The following ABCA13 variants were observed in gnomAD, a reference collection of about 807,000 sequenced individuals.
ABCA13 encodes ATP binding cassette subfamily A member 13, also known as ATP-binding cassette sub-family A member 13.
In ABCA13, 476 loss-of-function variants were observed where a neutral mutation model predicts 478.7. The observed-to-expected ratio is 0.99, with a 90% CI of 0.92 to 1.07. ABCA13 has a LOEUF of 1.07. Ranked by LOEUF, ABCA13 falls within the 50% of genes least tolerant of loss-of-function variation. The probability of loss-of-function intolerance (pLI) is 0.00; values close to 1 mark genes in which losing one functional copy is unlikely to be tolerated. For synonymous variants in ABCA13, 2,252 were observed against 2,158.9 expected (o/e 1.04, Z -1.20); for missense variants, 6,060 against 5,910.6 (o/e 1.03, Z -0.83).
intron 56 of ABCA13, among the ~76,000 whole-genome samples, chr7:48,581,082 C>T (rs1788661100): frequency 6.6e-6 from 1 of 152,166 alleles, no homozygotes; most frequent in South Asian, 2.1e-4. Context: ...TACTTAAGCA[C>T]ATTTTTACCT....
chr7:48,416,117 G>A (rs1031207397), intron 41 of ABCA13, among the ~76,000 whole-genome samples: 7 of 152,128 alleles, frequency 4.6e-5, no homozygotes, highest in African/African-American at 1.4e-4. Context: ...TGTGTTGCTC[G>A]TATTATCTTC....
At position 48,239,201 on chromosome 7, in the gene ABCA13, A is replaced by G. The variant is rs746668343; in HGVS notation, c.898-40A>G. ...TTTTAGAAGAGGAAGGTTCTAGGAA[A>G]GGAGCTTTATGTCTAAATATTTTTT... On this transcript the variant is annotated intron_variant, in intron 8 of 61. Coordinates refer to ENST00000435803, the MANE Select transcript of ABCA13 (RefSeq NM_152701.5). 90 of 1,605,716 alleles carry G rather than the reference A, an allele frequency of 5.6e-5. No individual in the cohort carries two copies. The South Asian group carries it at 9.3e-4, about 17-fold the overall frequency.
At chr7:48,262,912 G>A (rs1472197487) in intron 15 of ABCA13, among the ~76,000 whole-genome samples, 1 of 151,950 alleles carries the variant, frequency 6.6e-6, no homozygotes, top group Non-Finnish European at 1.5e-5. Context: ...GTTGAACTTT[G>A]AAATATTATA....
intron 42 of ABCA13, among the ~76,000 whole-genome samples, chr7:48,434,848 T>C (rs1391721509): frequency 6.6e-6 from 1 of 151,938 alleles, no homozygotes; most frequent in Non-Finnish European, 1.5e-5. Flanking sequence ...TTCTCTATTT[T>C]ATTCCATTGG....
intron 1 of ABCA13, among the ~76,000 whole-genome samples, chr7:48,181,032 A>G (rs1167667909): frequency 6.6e-6 from 1 of 152,228 alleles, no homozygotes; most frequent in Middle Eastern, 3.2e-3. Flanking sequence ...GGGAACTCAA[A>G]TTACTAACTC....
Position 48,198,367 on chromosome 7 carries a change from G to T in ABCA13, c.287+7G>T. The T allele has an allele frequency of 6.2e-7, 1 of 1,612,936 alleles. No homozygotes were observed. The highest frequency in any genetic ancestry group is 1.1e-5 in the South Asian group (1 of 90,678). ...CAATGGAGCATCATTTTCGGTAAGA[G>T]AAACACAAAGATCTTTTTCAGAAAT... On this transcript the variant is annotated splice_region_variant and intron_variant, in intron 3 of 61. Coordinates refer to ENST00000435803, the MANE Select transcript of ABCA13 (RefSeq NM_152701.5).
chr7:48,481,055 C>CT lies in ABCA13; in HGVS notation c.12996dup (p.Ser4333Ter). On this transcript the variant is annotated frameshift_variant, in exon 46 of 62. Transcript: ENST00000435803. LOFTEE classifies it high-confidence loss of function. ...TTTCAGAAGTGTCCAAATAGAAGTG[C>CT]TAGTGCTCCCTACCTGACCAACCAC... 6.3e-7 allele frequency: 1 copy of CT among 1,597,456 alleles called. No homozygotes were observed. The highest frequency in any genetic ancestry group is 8.5e-7 in the Non-Finnish European group (1 of 1,171,416).
rs776250253 is a variant in ABCA13, at chr7:48,511,156, C to T, written c.13597C>T (p.Arg4533Cys). The T allele has an allele frequency of 1.0e-4, 167 of 1,613,302 alleles. No individual in the cohort carries two copies. The highest frequency in any genetic ancestry group is 2.7e-4 in the Admixed American group (16 of 59,962). The change falls in exon 51 of 62, where the codon CGC becomes TGC. Residue 4533 changes from arginine (R) to cysteine (C), a missense_variant. Arg to Cys is a radical substitution (Grantham distance 180). This residue lies in a region of ABCA13 where 1,627 missense variants were observed against 1,571.0 expected (regional missense o/e 1.04). Transcript: ENST00000435803. ...VAFQLTAFTF[R>C]KNLAATALLL... is the part of the protein sequence containing the mutation. ...CTTCCAGTTAACAGCTTTTACTTTC[C>T]GCAAGAACTTGGCAGCCACGGCCCT...
chr7:48,301,476 G>A (rs1584730717), intron 23 of ABCA13, among the ~76,000 whole-genome samples: 1 of 151,838 alleles, frequency 6.6e-6, no homozygotes, highest in Non-Finnish European at 1.5e-5. Flanking sequence ...GATAGTTCTT[G>A]GTGAAACTCA....
chr7:48,462,397 G>A (rs529968964), intron 43 of ABCA13, among the ~76,000 whole-genome samples: 1 of 151,870 alleles, frequency 6.6e-6, no homozygotes, highest in Non-Finnish European at 1.5e-5. Flanking sequence ...AACTTTTTCT[G>A]TCTGGAATTG....
chr7:48,340,846 C>T (rs1807047925), intron 29 of ABCA13, among the ~76,000 whole-genome samples: 1 of 152,060 alleles, frequency 6.6e-6, no homozygotes, highest in African/African-American at 2.4e-5. Flanking sequence ...AGAAAAAGTC[C>T]CTTCATCTAG....
chr7:48,605,020 G>A (rs941484812), intron 58 of ABCA13, among the ~76,000 whole-genome samples: 1 of 152,116 alleles, frequency 6.6e-6, no homozygotes, highest in Non-Finnish European at 1.5e-5. Context: ...TTGGTTTAAA[G>A]TCTGTTTTAT....
chr7:48,326,619 G>A (rs889781062), intron 27 of ABCA13, among the ~76,000 whole-genome samples: 1 of 152,156 alleles, frequency 6.6e-6, no homozygotes, highest in Non-Finnish European at 1.5e-5. Flanking sequence ...TGAGTCTTAG[G>A]GGTAAGTAAC....
chr7:48,516,319 G>A (rs1315575912), intron 51 of ABCA13, among the ~76,000 whole-genome samples: 1 of 152,102 alleles, frequency 6.6e-6, no homozygotes, highest in African/African-American at 2.4e-5. Context: ...GTACTGTCTT[G>A]CTCTATCCCA....
At chr7:48,632,629 A>G (rs566192319) in intron 59 of ABCA13, among the ~76,000 whole-genome samples, 1 of 152,082 alleles carries the variant, frequency 6.6e-6, no homozygotes, top group East Asian at 1.9e-4. Context: ...AACTTCATTT[A>G]TTTGCATGTG....
chr7:48,560,240 T>C (rs549686447), intron 55 of ABCA13, among the ~76,000 whole-genome samples: 1 of 152,278 alleles, frequency 6.6e-6, no homozygotes, highest in African/African-American at 2.4e-5. Flanking sequence ...GTCCAAATGC[T>C]ACCTCCATGT....
At position 48,464,513 on chromosome 7, in the gene ABCA13, G is replaced by A. The variant is rs182553653; in HGVS notation, c.12816-2443G>A. 2.0e-5 allele frequency among the ~76,000 whole-genome samples: 3 copies of A among 152,334 alleles called. No individual in the cohort carries two copies. In the East Asian group the frequency reaches 5.8e-4, roughly 29 times the overall value. On this transcript the variant is annotated intron_variant, in intron 43 of 61. Coordinates refer to ENST00000435803, the MANE Select transcript of ABCA13 (RefSeq NM_152701.5). ...TAAACATTTATTTCTGGATTTGGAT[G>A]CCACAGAGGTGTTTGCATTTTAAGT... is the stretch of plus-strand genomic sequence containing the variant.
chr7:48,526,470 G>C (rs903732473), intron 54 of ABCA13, among the ~76,000 whole-genome samples: 29 of 152,180 alleles, frequency 1.9e-4, no homozygotes, highest in African/African-American at 6.8e-4. Context: ...CTATGCAAAA[G>C]TCTGTGGAAA....
At chr7:48,302,809 T>A (rs2117088) in intron 23 of ABCA13, among the ~76,000 whole-genome samples, 76,481 of 152,004 alleles carry the variant, frequency 0.5, 19,562 homozygotes, top group East Asian at 0.78. Context: ...TGAACATACA[T>A]GTGTAGGTAT....
Sources: gnomAD v4.1 joint callset for allele counts (sites outside exome capture counted in the v4.1 genomes callset) on GRCh38, gnomAD v4.1.1 for gene constraint, gnomAD v4.1.1 regional missense constraint, MANE v1.5 for transcripts, NCBI Gene and HGNC (gene_info 2026-07-23, HGNC 2026-07-21) for gene names.